The following NADK2 variants were observed in gnomAD, a reference collection of about 807,000 sequenced individuals.
NADK2 encodes NAD kinase 2, mitochondrial, also known as NAD kinase domain-containing protein 1, mitochondrial.
A neutral mutation model predicts 62.1 loss-of-function variants in NADK2; 35 were observed. The ratio of observed to expected loss-of-function variants is 0.56; its 90% confidence interval spans 0.43 to 0.75. The LOEUF (loss-of-function observed/expected upper bound fraction) is 0.75. Among genes scored for constraint, NADK2 ranks in the 30% least tolerant of loss-of-function variants. The pLI is 0.00. For synonymous variants in NADK2, 205 were observed against 207.9 expected, an observed-to-expected ratio of 0.99 and a Z score of 0.12; for missense variants, 439 against 561.3, an observed-to-expected ratio of 0.78 and a Z score of 2.20.
chr5:36,218,303 G>A (rs1253291554), intron 5 of NADK2: 1 of 152,720 alleles, frequency 6.5e-6, no homozygotes, highest in East Asian at 1.9e-4. Flanking sequence ...TTTTATAATG[G>A]AGGTTTTTTA....
At chr5:36,224,310 A>T (rs770330119) in intron 4 of NADK2, among the ~76,000 whole-genome samples, 2 of 152,164 alleles carry the variant, frequency 1.3e-5, no homozygotes, top group Non-Finnish European at 2.9e-5. Context: ...AAACATTTGC[A>T]TTTTGGGAGG....
Position 36,225,564 on chromosome 5 carries a change from CT to C in NADK2, c.537del (p.Ile179MetfsTer3). 3 of 1,613,738 alleles carry C rather than the reference CT, an allele frequency of 1.9e-6. No individual in the cohort carries two copies. The highest frequency in any genetic ancestry group is 2.5e-6 in the Non-Finnish European group (3 of 1,179,780). On this transcript the variant is annotated frameshift_variant, in exon 4 of 12. Transcript: ENST00000381937. LOFTEE classifies it high-confidence loss of function. ...TACCGTTCTGGATCAGTGTTTACCC[CT>C]ATAACTGGTTTAAGTCTGTCCAAGA... is the stretch of plus-strand genomic sequence containing the variant. The part of the protein sequence containing the change: ...SKVLDRLKPV[I>X]GVNTDPERSE...
intron 6 of NADK2, among the ~76,000 whole-genome samples, chr5:36,216,970 T>C (rs192677325): frequency 1.1e-3 from 174 of 152,192 alleles, no homozygotes; most frequent in African/African-American, 3.9e-3. Flanking sequence ...CATAAACACA[T>C]ATCTTAGAAA....
intron 6 of NADK2, among the ~76,000 whole-genome samples, chr5:36,215,710 T>C (rs1046193342): frequency 6.6e-6 from 1 of 152,228 alleles, no homozygotes; most frequent in South Asian, 2.1e-4. Flanking sequence ...TGTCTTTCTA[T>C]GCTTGACTTA....
At chr5:36,207,010 A>G (rs1349956062) in intron 8 of NADK2, among the ~76,000 whole-genome samples, 160 bp downstream of exon 8, 2 of 152,126 alleles carry the variant, frequency 1.3e-5, no homozygotes, top group Non-Finnish European at 2.9e-5. Flanking sequence ...AAGTCAAGGC[A>G]GGACTACTAG....
chr5:36,227,611 CAT>C (rs1300118228), intron 1 of NADK2, 46 bp from the exon 2 acceptor site: 2 of 1,041,654 alleles, frequency 1.9e-6, no homozygotes, highest in Admixed American at 3.4e-5. Context: ...ATATATTACA[CAT>C]GATGTTCTAA....
chr5:36,241,607 G>T lies in NADK2; in HGVS notation c.192C>A (p.Gly64=). 1 of 1,498,436 alleles carries T rather than the reference G, an allele frequency of 6.7e-7. No homozygotes were observed. The highest frequency in any genetic ancestry group is 8.8e-7 in the Non-Finnish European group (1 of 1,132,558). 92.8% of individuals were successfully genotyped at this position (1,498,436 alleles called of 1,614,324 possible). A position where few individuals can be genotyped will look rare whatever the true frequency, so the allele number is the denominator to read the frequency against. Residue 64 remains glycine (G), a synonymous_variant, in exon 1 of 12, where the codon GGC becomes GGA. Coordinates refer to ENST00000381937, the MANE Select transcript of NADK2 (RefSeq NM_001085411.3). This position sits in a 1 kb window ranked among gnomAD's most constrained non-coding sequence, Gnocchi z 4.9. ...CCACCACCCGGGAGGGGCGGAAGCCGCCGTCCGCGCGGCTGCCACAGCCCG... is the reference window on the plus strand; with the variant it reads ...CCACCACCCGGGAGGGGCGGAAGCCTCCGTCCGCGCGGCTGCCACAGCCCG... ...ELAGCGSRAD[G]GFRPSRVVVV...
At chr5:36,199,179 T>C (rs1021119776) in intron 10 of NADK2, among the ~76,000 whole-genome samples, 5 of 151,984 alleles carry the variant, frequency 3.3e-5, no homozygotes, top group Non-Finnish European at 7.4e-5. Context: ...TGTGCACATG[T>C]ACCCTAAAAC....
At position 36,225,531 on chromosome 5, in the gene NADK2, T is replaced by C; in HGVS notation, c.560+11A>G. On this transcript the variant is annotated intron_variant, in intron 4 of 11. Transcript: ENST00000381937. Reference sequence around the variant, plus strand: ...ACACAAATCAAACAAAATGTATACGTTCTTTCTTACCGTTCTGGATCAGTG... The same window carrying C: ...ACACAAATCAAACAAAATGTATACGCTCTTTCTTACCGTTCTGGATCAGTG... The C allele has an allele frequency of 6.2e-7, 1 of 1,607,006 alleles. No homozygotes were observed. Among genetic ancestry groups the C allele is most frequent in the Non-Finnish European group, 8.5e-7 (1 of 1,176,670 alleles).
Position 36,241,821 on chromosome 5 carries a change from G to A in NADK2, c.-23C>T. 1 of 1,285,840 alleles carries A rather than the reference G, an allele frequency of 7.8e-7. No homozygotes were observed. The allele number at this position is 1,285,840 out of a possible 1,614,324, so 79.7% of individuals were successfully genotyped here. A position where few individuals can be genotyped will look rare whatever the true frequency, so the allele number is the denominator to read the frequency against. On this transcript the variant is annotated 5_prime_UTR_variant, in exon 1 of 12. Coordinates refer to ENST00000381937, the MANE Select transcript of NADK2 (RefSeq NM_001085411.3). The surrounding 1 kb of genome is among the most constrained non-coding windows in gnomAD (Gnocchi z 4.9). The stretch of plus-strand genomic sequence containing the variant: ...CATCGTGGGCCGGGCCGCGGCCGCG[G>A]GCTTGGGCTCGGGCCCCTTGCCTCA...
chr5:36,225,479 C>A, intron 4 of NADK2, 63 bp downstream of exon 4: 1 of 1,334,204 alleles, frequency 7.5e-7, no homozygotes, highest in Non-Finnish European at 1.1e-6. Flanking sequence ...GTATGTATAA[C>A]CTAAAAAAAA....
chr5:36,233,354 A>T (rs993084608), intron 1 of NADK2, among the ~76,000 whole-genome samples: 1 of 152,070 alleles, frequency 6.6e-6, no homozygotes, highest in African/African-American at 2.4e-5. Context: ...AGAAAAATTG[A>T]CCCTCATCAC....
chr5:36,198,579 T>C lies in NADK2; in HGVS notation c.1067-915A>G, dbSNP rs1746318049. ...TTTACTAAAAGAAGAAAGTCACAGA[T>C]ATTTTTATATATATATAGATATAAT... On this transcript the variant is annotated intron_variant, in intron 10 of 11. Transcript: ENST00000381937. Among the ~76,000 whole-genome samples, 3 of 148,396 alleles carry C rather than the reference T, an allele frequency of 2.0e-5. No individual in the cohort carries two copies. The Admixed American group carries it at 2.0e-4, about 10-fold the overall frequency.
At chr5:36,214,460 G>C (rs1746969739) in intron 6 of NADK2, among the ~76,000 whole-genome samples, 1 of 152,150 alleles carries the variant, frequency 6.6e-6, no homozygotes, top group South Asian at 2.1e-4. Flanking sequence ...AATTACAGGC[G>C]TGAACCACCG....
At chr5:36,219,710 T>C (rs1159660259) in intron 4 of NADK2, 31 bp from the exon 5 acceptor site, 11 of 1,571,570 alleles carry the variant, frequency 7.0e-6, no homozygotes, top group Admixed American at 1.7e-5. Flanking sequence ...TTTGGTGATA[T>C]AAAGAGGAAA....
Position 36,194,183 on chromosome 5 carries a change from A to ATT in NADK2, c.*960_*961insAA, listed in dbSNP as rs1332011452. 2.6e-5 allele frequency: 4 copies of ATT among 152,322 alleles called. No individual in the cohort carries two copies. Among genetic ancestry groups the ATT allele is most frequent in the African/African-American group, 9.6e-5 (4 of 41,574 alleles). The allele number at this position is 152,322 out of a possible 1,614,324, so 9.4% of individuals were successfully genotyped here. ...AGCTATTCTGTAAATCTTGGAATAT[A>ATT]AGCTAGGTGAAAACCACAATACTAA... On this transcript the variant is annotated 3_prime_UTR_variant, in exon 12 of 12. Coordinates refer to ENST00000381937, the MANE Select transcript of NADK2 (RefSeq NM_001085411.3).
intron 6 of NADK2, among the ~76,000 whole-genome samples, chr5:36,216,423 T>C (rs374537596): frequency 3.3e-5 from 5 of 152,310 alleles, no homozygotes; most frequent in African/African-American, 9.6e-5. Context: ...TTTTGTTTAA[T>C]ATAGTTCCAT....
chr5:36,216,588 T>C (rs1255073792), intron 6 of NADK2, among the ~76,000 whole-genome samples: 2 of 152,182 alleles, frequency 1.3e-5, no homozygotes, highest in African/African-American at 4.8e-5. Flanking sequence ...TTTCTCGAAC[T>C]ACCATTAATC....
chr5:36,212,141 C>T, intron 6 of NADK2: 1 of 361,826 alleles, frequency 2.8e-6, no homozygotes, highest in South Asian at 5.6e-5. Context: ...CCTCTCTCTG[C>T]AAAATAAACC....
Sources: gnomAD v4.1 joint callset for allele counts (sites outside exome capture counted in the v4.1 genomes callset) on GRCh38, gnomAD v4.1.1 for gene constraint, Gnocchi (gnomAD v3.1) non-coding constraint, MANE v1.5 for transcripts, NCBI Gene and HGNC (gene_info 2026-07-23, HGNC 2026-07-21) for gene names.